DESI2: variants seen among roughly 807,000 people sequenced by gnomAD.
DESI2 encodes the protein desumoylating isopeptidase 2, also known as deubiquitinase DESI2.
DESI2 carries 10 observed loss-of-function variants against 24.1 expected under a neutral mutation model. The observed-to-expected ratio is 0.41, with a 90% CI of 0.26 to 0.70. DESI2 has a LOEUF of 0.70. Among genes scored for constraint, DESI2 ranks in the 30% least tolerant of loss-of-function variants. The pLI, the probability that DESI2 is intolerant of heterozygous loss-of-function variation, is 0.29. For synonymous variants in DESI2, 71 were observed against 87.7 expected (o/e 0.81, Z 1.06); for missense variants, 122 against 234.9 (o/e 0.52, Z 3.14).
At chr1:244,657,918 A>G (rs985902341) in intron 1 of DESI2, among the ~76,000 whole-genome samples, 1 of 152,234 alleles carries the variant, frequency 6.6e-6, no homozygotes, top group African/African-American at 2.4e-5. Context: ...TGCAACTGTG[A>G]TGAAGCTGAG....
At chr1:244,692,450 T>C (rs892498839) in intron 4 of DESI2, among the ~76,000 whole-genome samples, 18 of 152,088 alleles carry the variant, frequency 1.2e-4, no homozygotes, top group African/African-American at 4.1e-4. Flanking sequence ...CATAGGCACT[T>C]ACTTGCCTTC....
intron 4 of DESI2, chr1:244,694,323 G>A (rs571315348): frequency 2.9e-5 from 14 of 479,108 alleles, no homozygotes; most frequent in Admixed American, 1.0e-4. Context: ...AGCCAAAAGA[G>A]TATTATATGG....
At chr1:244,662,700 G>T (rs1462040934) in intron 1 of DESI2, among the ~76,000 whole-genome samples, 1 of 152,106 alleles carries the variant, frequency 6.6e-6, no homozygotes, top group African/African-American at 2.4e-5. Context: ...AGTCAGGATG[G>T]TATAGTTACC....
intron 4 of DESI2, among the ~76,000 whole-genome samples, chr1:244,702,293 C>A (rs1321783333): frequency 6.6e-6 from 1 of 152,200 alleles, no homozygotes. Context: ...GCAGGCAGAT[C>A]ACCTGAGGTC....
intron 4 of DESI2, among the ~76,000 whole-genome samples, chr1:244,701,701 C>T (rs1553407082): frequency 6.6e-6 from 1 of 152,160 alleles, no homozygotes; most frequent in Non-Finnish European, 1.5e-5. Flanking sequence ...GCCTGTTCCA[C>T]TATTATATTT....
chr1:244,692,690 C>G (rs918121019), intron 4 of DESI2, among the ~76,000 whole-genome samples: 7 of 152,156 alleles, frequency 4.6e-5, no homozygotes, highest in African/African-American at 1.7e-4. Context: ...GCTTCAGTGG[C>G]CTCCTCTGCA....
chr1:244,680,008 G>A (rs562384567), intron 1 of DESI2, among the ~76,000 whole-genome samples: 71 of 139,798 alleles, frequency 5.1e-4, no homozygotes, highest in Non-Finnish European at 9.9e-4. Context: ...TCCAATAATG[G>A]TTCTTTTTAG....
intron 4 of DESI2, among the ~76,000 whole-genome samples, 180 bp from the exon 5 acceptor site, chr1:244,705,376 G>A (rs894428505): frequency 6.6e-6 from 1 of 152,126 alleles, no homozygotes; most frequent in African/African-American, 2.4e-5. Context: ...CCAACAGTAG[G>A]GAGCCCAGGT....
chr1:244,702,338 A>G (rs1677498109), intron 4 of DESI2, among the ~76,000 whole-genome samples: 1 of 152,120 alleles, frequency 6.6e-6, no homozygotes, highest in South Asian at 2.1e-4. Flanking sequence ...ACATGGTGAA[A>G]CGCCGTCTCT....
chr1:244,687,622 CTCTTTTT>C (rs1676868383), intron 2 of DESI2, among the ~76,000 whole-genome samples: 2 of 152,170 alleles, frequency 1.3e-5, no homozygotes, highest in African/African-American at 4.8e-5. Flanking sequence ...GGTGGTTATA[CTCTTTTT>C]TATATTCCAT....
chr1:244,703,993 C>A (rs1358557896), intron 4 of DESI2, among the ~76,000 whole-genome samples: 1 of 152,164 alleles, frequency 6.6e-6, no homozygotes, highest in Non-Finnish European at 1.5e-5. Flanking sequence ...TCTGTACTCA[C>A]AGGCAGTGTG....
At chr1:244,660,170 TTTGTTG>T (rs541559814) in intron 1 of DESI2, among the ~76,000 whole-genome samples, 1 of 150,028 alleles carries the variant, frequency 6.7e-6, no homozygotes, top group South Asian at 2.1e-4. Flanking sequence ...TTGTTGTTGT[TTTGTTG>T]TTGTTGTTGT....
At chr1:244,691,219 G>A (rs1677016888) in intron 3 of DESI2, among the ~76,000 whole-genome samples, 1 of 152,186 alleles carries the variant, frequency 6.6e-6, no homozygotes, top group South Asian at 2.1e-4. Context: ...CTCCCAAGTA[G>A]CTGGGATTAC....
At chr1:244,658,468 ACTCCTATGCCCTAGTTGTG>A (rs1675725492) in intron 1 of DESI2, among the ~76,000 whole-genome samples, 1 of 151,856 alleles carries the variant, frequency 6.6e-6, no homozygotes, top group African/African-American at 2.4e-5. Context: ...ACTTGAGTGA[ACTCCTATGCCCTAGTTGTG>A]CTTCGTGCCT....
intron 2 of DESI2, among the ~76,000 whole-genome samples, chr1:244,688,414 T>G (rs1178689447): frequency 6.6e-6 from 1 of 152,214 alleles, no homozygotes; most frequent in Non-Finnish European, 1.5e-5. Flanking sequence ...AAAAGTAAAT[T>G]TAGTATCTGC....
chr1:244,660,009 C>CA (rs1403934988), intron 1 of DESI2, among the ~76,000 whole-genome samples: 2 of 152,172 alleles, frequency 1.3e-5, no homozygotes, highest in Admixed American at 1.3e-4. Context: ...CTTGCAGTGG[C>CA]ATACCGTTCC....
Position 244,689,035 on chromosome 1 carries a change from A to T in DESI2, c.116-214A>T, listed in dbSNP as rs893120383. On this transcript the variant is annotated intron_variant, in intron 2 of 4. Coordinates refer to ENST00000302550, the MANE Select transcript of DESI2 (RefSeq NM_016076.5). This position sits in a 1 kb window ranked among gnomAD's most constrained non-coding sequence, Gnocchi z 4.0. Reference sequence around the variant, plus strand: ...AAGAAAGGGAAATATGGCAGGCAAGAATATCTTTGAGTGTCTTCTGTTATT... The same window carrying T: ...AAGAAAGGGAAATATGGCAGGCAAGTATATCTTTGAGTGTCTTCTGTTATT... Among the ~76,000 whole-genome samples, 1 of 152,204 alleles carries T rather than the reference A, an allele frequency of 6.6e-6. No individual in the cohort carries two copies. Among genetic ancestry groups the T allele is most frequent in the African/African-American group, 2.4e-5 (1 of 41,440 alleles).
intron 1 of DESI2, among the ~76,000 whole-genome samples, chr1:244,663,714 G>T (rs1675934360): frequency 6.6e-6 from 1 of 151,842 alleles, no homozygotes; most frequent in South Asian, 2.1e-4. Flanking sequence ...CTTTCTGGGG[G>T]TTAAAAAATT....
At position 244,653,129 on chromosome 1, in the gene DESI2, C is replaced by T. The variant is rs937227205; in HGVS notation, c.-185C>T. On this transcript the variant is annotated 5_prime_UTR_variant, in exon 1 of 5. It adds an upstream start codon to the 5' untranslated region. Coordinates refer to ENST00000302550, the MANE Select transcript of DESI2 (RefSeq NM_016076.5). ...AACGGTCCGGCCCCGTCCGCACAGA[C>T]GCTCCTGTCGGCGGCGCCCGGGAGC... is the stretch of plus-strand genomic sequence containing the variant. The T allele has an allele frequency of 4.3e-6, 2 of 465,598 alleles. No homozygotes were observed. Among genetic ancestry groups the T allele is most frequent in the Non-Finnish European group, 7.1e-6 (2 of 282,450 alleles). 28.8% of individuals were successfully genotyped at this position (465,598 alleles called of 1,614,324 possible).
Sources: gnomAD v4.1 joint callset for allele counts (sites outside exome capture counted in the v4.1 genomes callset) on GRCh38, gnomAD v4.1.1 for gene constraint, Gnocchi (gnomAD v3.1) non-coding constraint, MANE v1.5 for transcripts, NCBI Gene and HGNC (gene_info 2026-07-23, HGNC 2026-07-21) for gene names.